Variants in SCN11A observed in about 807,000 individuals in gnomAD.
The protein encoded by SCN11A is sodium voltage-gated channel alpha subunit 11.
In SCN11A, 122 loss-of-function variants were observed where a neutral mutation model predicts 162.2. The ratio of observed to expected loss-of-function variants is 0.75; its 90% CI spans 0.65 to 0.87. The LOEUF (loss-of-function observed/expected upper bound fraction) is 0.87. Ranked by LOEUF, SCN11A falls within the 40% of genes least tolerant of loss-of-function variation. The pLI is 0.00. For missense variants in SCN11A, 2,015 were observed against 2,181.6 expected, an observed-to-expected ratio of 0.92 and a Z score of 1.52; for synonymous variants, 758 against 751.5, an observed-to-expected ratio of 1.01 and a Z score of -0.14.
At chr3:39,003,484 A>G (rs923022285) in intron 2 of SCN11A, among the ~76,000 whole-genome samples, 2 of 152,228 alleles carry the variant, frequency 1.3e-5, no homozygotes, top group Non-Finnish European at 2.9e-5. Context: ...CAGTGCTGCA[A>G]TGAACATCTG....
At chr3:38,962,366 A>G (rs1395707838) in intron 2 of SCN11A, among the ~76,000 whole-genome samples, 4 of 152,080 alleles carry the variant, frequency 2.6e-5, no homozygotes, top group African/African-American at 9.7e-5. Context: ...TTTTGGATCC[A>G]TATGGATTTT....
chr3:38,948,658 T>C (rs2066554606), intron 5 of SCN11A, among the ~76,000 whole-genome samples: 1 of 152,344 alleles, frequency 6.6e-6, no homozygotes, highest in Middle Eastern at 3.4e-3. Context: ...GCACTGGTCA[T>C]GTGAGATCAT....
intron 15 of SCN11A, 99 bp from the exon 16 acceptor site, chr3:38,904,202 C>A (rs2126124962): frequency 4.4e-6 from 3 of 681,872 alleles, no homozygotes; most frequent in East Asian, 2.8e-5. Flanking sequence ...CCAGGGCCTC[C>A]TGATACATGA....
chr3:38,951,233 C>A (rs2066609514), intron 4 of SCN11A, among the ~76,000 whole-genome samples: 1 of 152,152 alleles, frequency 6.6e-6, no homozygotes, highest in Admixed American at 6.5e-5. Context: ...GCTTGGCGGG[C>A]GCCGCACTCG....
chr3:38,952,296 C>T (rs1457809898), intron 4 of SCN11A, among the ~76,000 whole-genome samples: 5 of 152,198 alleles, frequency 3.3e-5, no homozygotes, highest in Admixed American at 2.0e-4. Flanking sequence ...ACTTTCTCTA[C>T]AGCCACAGGG....
intron 2 of SCN11A, among the ~76,000 whole-genome samples, chr3:39,011,595 T>A (rs1239395502): frequency 6.6e-6 from 1 of 152,232 alleles, no homozygotes; most frequent in Non-Finnish European, 1.5e-5. Context: ...CTTTAGTTTC[T>A]ATAGGGAACC....
In SCN11A at chr3:38,883,290, T is replaced by C; in HGVS notation, c.3162A>G (p.Lys1054=). The C allele has an allele frequency of 6.2e-7, 1 of 1,613,946 alleles. No individual in the cohort carries two copies. The highest frequency in any genetic ancestry group is 8.5e-7 in the Non-Finnish European group (1 of 1,179,854). The change falls in exon 22 of 30, where the codon AAA becomes AAG. Residue 1054 remains lysine, a synonymous_variant. Transcript: ENST00000302328. ...NLRKTCYQIV[K]HSWFESFIIF... is the part of the protein sequence containing the mutation. Reference sequence around the variant, plus strand: ...TAATAAAGCTCTCAAACCAGCTGTGTTTCACTATTTGGTAGCAGGTTTTCC... The same window carrying C: ...TAATAAAGCTCTCAAACCAGCTGTGCTTCACTATTTGGTAGCAGGTTTTCC...
chr3:39,044,714 A>G (rs1326612600), intron 1 of SCN11A, among the ~76,000 whole-genome samples: 1 of 152,192 alleles, frequency 6.6e-6, no homozygotes, highest in African/African-American at 2.4e-5. Context: ...CCTACATCAA[A>G]AAAAGCAGAA....
chr3:38,943,270 A>G (rs982527035), intron 7 of SCN11A, among the ~76,000 whole-genome samples: 1 of 152,204 alleles, frequency 6.6e-6, no homozygotes. Context: ...AAAAAGGCAA[A>G]ACAAGTCTAG....
chr3:38,908,449 T>A (rs539319476), intron 13 of SCN11A, among the ~76,000 whole-genome samples: 1 of 152,270 alleles, frequency 6.6e-6, no homozygotes, highest in African/African-American at 2.4e-5. Flanking sequence ...ACGATGGGCA[T>A]CCTTCTGACA....
In SCN11A at chr3:38,883,485, G is replaced by T. The variant is rs575633395; in HGVS notation, c.3065-98C>A. On this transcript the variant is annotated intron_variant, in intron 21 of 29. Transcript: ENST00000302328. ...TTTCTGTGTTCATGCCCCTTGCCATGCGACCTGCAGTTGCTCCCATTAAAG... is the reference window on the plus strand; with the variant it reads ...TTTCTGTGTTCATGCCCCTTGCCATTCGACCTGCAGTTGCTCCCATTAAAG... The T allele has an allele frequency of 3.1e-5, 35 of 1,116,616 alleles. No individual in the cohort carries two copies. The African/African-American group carries it at 5.3e-4, about 17-fold the overall frequency. 69.2% of individuals were successfully genotyped at this position (1,116,616 alleles called of 1,614,324 possible).
intron 16 of SCN11A, 49 bp from the exon 17 acceptor site, chr3:38,900,122 CT>C (rs748401692): frequency 6.7e-7 from 1 of 1,483,508 alleles, no homozygotes; most frequent in South Asian, 1.2e-5. Context: ...GGAGATAACA[CT>C]TTTAAGAATG....
At chr3:38,930,563 CAA>C (rs2066225045) in intron 7 of SCN11A, among the ~76,000 whole-genome samples, 1 of 152,134 alleles carries the variant, frequency 6.6e-6, no homozygotes, top group African/African-American at 2.4e-5. Flanking sequence ...TGGGATTTTT[CAA>C]GTCTTCATAC....
At chr3:38,903,089 T>C (rs1337071298) in intron 16 of SCN11A, among the ~76,000 whole-genome samples, 1 of 152,168 alleles carries the variant, frequency 6.6e-6, no homozygotes, top group East Asian at 1.9e-4. Context: ...TTTTTTAAAT[T>C]AGAAAGATAA....
chr3:38,981,149 C>T (rs913684044), intron 2 of SCN11A, among the ~76,000 whole-genome samples: 9 of 152,134 alleles, frequency 5.9e-5, no homozygotes, highest in African/African-American at 2.2e-4. Flanking sequence ...ACACAGTTTC[C>T]AAGGCTACAG....
At chr3:38,910,319 A>T in intron 11 of SCN11A, 112 bp from the exon 12 acceptor site, 1 of 1,002,918 alleles carries the variant, frequency 1.0e-6, no homozygotes, top group Non-Finnish European at 1.5e-6. Context: ...CAGGAGCCCT[A>T]GAGGAAGGGA....
intron 2 of SCN11A, among the ~76,000 whole-genome samples, chr3:39,023,485 A>G (rs1203401129): frequency 6.6e-6 from 1 of 152,082 alleles, no homozygotes; most frequent in East Asian, 1.9e-4. Context: ...CTTCCTTTAT[A>G]TCTTTTATTG....
chr3:39,027,905 C>T (rs1033031611), intron 2 of SCN11A, among the ~76,000 whole-genome samples: 1 of 152,214 alleles, frequency 6.6e-6, no homozygotes, highest in Admixed American at 6.5e-5. Flanking sequence ...CTGCATCCCT[C>T]TCAGCCCTGG....
chr3:39,040,054 C>T (rs75116423), intron 1 of SCN11A, among the ~76,000 whole-genome samples: 5,319 of 152,296 alleles, frequency 0.035, 193 homozygotes, highest in East Asian at 0.16. Context: ...CACCTGGTGC[C>T]CACCACAGCT....
Sources: gnomAD v4.1 joint callset for allele counts (sites outside exome capture counted in the v4.1 genomes callset) on GRCh38, gnomAD v4.1.1 for gene constraint, MANE v1.5 for transcripts, NCBI Gene and HGNC (gene_info 2026-07-23, HGNC 2026-07-21) for gene names.